The following PKNOX2 variants were observed in gnomAD, a reference collection of about 807,000 sequenced individuals.
The protein encoded by PKNOX2 is homeobox protein PKNOX2.
PKNOX2 carries 14 observed loss-of-function variants against 53.1 expected under a neutral mutation model. That is an observed-to-expected ratio of 0.26 (90% confidence interval 0.17 to 0.41). PKNOX2 has a LOEUF of 0.41. Ranked by LOEUF, PKNOX2 falls within the 10% of genes least tolerant of loss-of-function variation. The pLI, the probability that PKNOX2 is intolerant of heterozygous loss-of-function variation, is 1.00. For missense variants in PKNOX2, 496 were observed against 602.8 expected, an observed-to-expected ratio of 0.82 and a Z score of 1.85; for synonymous variants, 257 against 242.8, an observed-to-expected ratio of 1.06 and a Z score of -0.54.
intron 5 of PKNOX2, among the ~76,000 whole-genome samples, chr11:125,374,977 G>A (rs1472351107): frequency 6.6e-6 from 1 of 152,092 alleles, no homozygotes; most frequent in African/African-American, 2.4e-5. Context: ...AGAAAGCTGG[G>A]GCCATGAAGG....
At chr11:125,193,390 C>T (rs1451701872) in intron 1 of PKNOX2, among the ~76,000 whole-genome samples, 1 of 152,140 alleles carries the variant, frequency 6.6e-6, no homozygotes, top group Non-Finnish European at 1.5e-5. Context: ...TGTGAAGTTG[C>T]CCTGCATCTT....
chr11:125,360,564 CCTT>C (rs1366558276), intron 4 of PKNOX2, among the ~76,000 whole-genome samples: 2 of 152,116 alleles, frequency 1.3e-5, no homozygotes, highest in Admixed American at 6.5e-5. Flanking sequence ...CATAATGTAA[CCTT>C]CTGTGACACC....
intron 1 of PKNOX2, among the ~76,000 whole-genome samples, chr11:125,232,828 CT>C (rs536884769): frequency 0.012 from 1,644 of 135,352 alleles, 37 homozygotes; most frequent in African/African-American, 0.037. Context: ...TAATCCAAGT[CT>C]TTTTTTTTTT....
chr11:125,218,075 CCTTT>C (rs1441572136), intron 1 of PKNOX2, among the ~76,000 whole-genome samples: 1 of 152,024 alleles, frequency 6.6e-6, no homozygotes, highest in Non-Finnish European at 1.5e-5. Context: ...TTGGATAGGG[CCTTT>C]CTTCTAGCTG....
intron 6 of PKNOX2, among the ~76,000 whole-genome samples, chr11:125,386,607 AT>A (rs1953648954): frequency 6.6e-6 from 1 of 152,154 alleles, no homozygotes; most frequent in Non-Finnish European, 1.5e-5. Context: ...CCACAAATTG[AT>A]TAATGATAGT....
At position 125,299,124 on chromosome 11, in the gene PKNOX2, G is replaced by T. The variant is rs557116395; in HGVS notation, c.-129-32695G>T. On this transcript the variant is annotated intron_variant, in intron 2 of 12. Coordinates refer to ENST00000298282, the MANE Select transcript of PKNOX2 (RefSeq NM_001382323.2). ...CAGGCATGTCACCTGGCAAGAGCAG[G>T]AGCAAGAGAGATCAGGGAGGTGCCA... 1.4e-3 allele frequency among the ~76,000 whole-genome samples: 212 copies of T among 152,260 alleles called. 1 individual carries two copies. Among genetic ancestry groups the T allele is most frequent in the South Asian group, 5.4e-3 (26 of 4,812 alleles).
intron 1 of PKNOX2, among the ~76,000 whole-genome samples, chr11:125,180,206 T>C (rs1295700300): frequency 6.6e-6 from 1 of 152,244 alleles, no homozygotes; most frequent in Admixed American, 6.5e-5. Flanking sequence ...AATGAGGCTT[T>C]CCTCATTTCC....
intron 3 of PKNOX2, among the ~76,000 whole-genome samples, chr11:125,338,207 TC>T (rs1950519345): frequency 2.0e-5 from 3 of 151,924 alleles, no homozygotes; most frequent in Non-Finnish European, 2.9e-5. Flanking sequence ...CTGCCCATCT[TC>T]CCTACTCCCC....
At chr11:125,279,883 G>A (rs985606535) in intron 2 of PKNOX2, among the ~76,000 whole-genome samples, 11 of 152,060 alleles carry the variant, frequency 7.2e-5, no homozygotes, top group African/African-American at 2.2e-4. Flanking sequence ...CAAACAATGC[G>A]GTTGCCATAG....
At chr11:125,386,969 C>T (rs991682744) in intron 6 of PKNOX2, among the ~76,000 whole-genome samples, 3 of 152,146 alleles carry the variant, frequency 2.0e-5, no homozygotes, top group East Asian at 3.9e-4. Context: ...CGCTTGCTGT[C>T]GGGAGGGTCA....
chr11:125,264,019 T>A (rs1352620477), intron 2 of PKNOX2, among the ~76,000 whole-genome samples: 1 of 151,912 alleles, frequency 6.6e-6, no homozygotes, highest in Non-Finnish European at 1.5e-5. Context: ...GGCTAATCAG[T>A]CCTCCCCCAC....
Position 125,281,499 on chromosome 11 carries a change from G to A in PKNOX2, c.-130+46384G>A, listed in dbSNP as rs747306876. Among the ~76,000 whole-genome samples the A allele has an allele frequency of 1.8e-4, 28 of 152,168 alleles. 1 individual carries two copies. The highest frequency in any genetic ancestry group is 2.1e-4 in the South Asian group (1 of 4,830). ...TTTGAATTCTGGCTGCCACTTACCC[G>A]TTGATTGCCTCTCTTTCCTTATTTA... On this transcript the variant is annotated intron_variant, in intron 2 of 12. Coordinates refer to ENST00000298282, the MANE Select transcript of PKNOX2 (RefSeq NM_001382323.2).
At position 125,213,031 on chromosome 11, in the gene PKNOX2, C is replaced by T. The variant is rs950452843; in HGVS notation, c.-200-22014C>T. ...GGACAATTTTCCCTGAACTCCTAGC[C>T]TCACCACTGAAATTATGTGAAGTTG... On this transcript the variant is annotated intron_variant, in intron 1 of 12. Coordinates refer to ENST00000298282, the MANE Select transcript of PKNOX2 (RefSeq NM_001382323.2). Among the ~76,000 whole-genome samples the T allele has an allele frequency of 3.9e-5, 6 of 152,062 alleles. 1 individual carries two copies. The highest frequency in any genetic ancestry group is 1.5e-5 in the Non-Finnish European group (1 of 67,966).
In PKNOX2 at chr11:125,165,911, C is replaced by G. The variant is rs1954835303; in HGVS notation, c.-201+1135C>G. On this transcript the variant is annotated intron_variant, in intron 1 of 12. Transcript: ENST00000298282. This position sits in a 1 kb window ranked among gnomAD's most constrained non-coding sequence, Gnocchi z 4.5. ...GTTAGGAGACGGGCTTTCCTGGCTC[C>G]CGATCCCCAGGAAGAAACGAGCGAA... Among the ~76,000 whole-genome samples the G allele has an allele frequency of 1.3e-5, 2 of 152,164 alleles. No individual in the cohort carries two copies. The highest frequency in any genetic ancestry group is 6.5e-5 in the Admixed American group (1 of 15,270).
In PKNOX2 at chr11:125,429,996, C is replaced by T; in HGVS notation, c.1047C>T (p.Pro349=). The T allele has an allele frequency of 3.1e-6, 5 of 1,614,168 alleles. No individual in the cohort carries two copies. Among genetic ancestry groups the T allele is most frequent in the Non-Finnish European group, 4.2e-6 (5 of 1,180,022 alleles). ...FINARRRILQ[P]MLDASNPDPA... ...ATGCCCGGAGGCGCATCCTGCAGCC[C>T]ATGCTTGATGCCAGCAACCCAGATC... The change falls in exon 12 of 13, where the codon CCC becomes CCT. Residue 349 remains proline (P), a synonymous_variant. Coordinates refer to ENST00000298282, the MANE Select transcript of PKNOX2 (RefSeq NM_001382323.2).
chr11:125,221,111 C>T (rs1020616586), intron 1 of PKNOX2, among the ~76,000 whole-genome samples: 4 of 151,996 alleles, frequency 2.6e-5, no homozygotes, highest in East Asian at 1.9e-4. Context: ...GCCGAGATCG[C>T]GCCACTGCAC....
intron 2 of PKNOX2, among the ~76,000 whole-genome samples, chr11:125,249,858 T>C (rs935743542): frequency 5.9e-5 from 9 of 151,976 alleles, no homozygotes; most frequent in African/African-American, 1.9e-4. Context: ...TCACCTCAGG[T>C]TGGGAGTTCA....
intron 2 of PKNOX2, among the ~76,000 whole-genome samples, chr11:125,257,365 C>T (rs1944485423): frequency 6.6e-6 from 1 of 152,154 alleles, no homozygotes; most frequent in Admixed American, 6.6e-5. Context: ...ATCTTCATGG[C>T]CTCCAATGGT....
rs148792611 is a variant in PKNOX2 at position 125,368,184 on chromosome 11, C to G, written c.227+199C>G. On this transcript the variant is annotated intron_variant, in intron 5 of 12. Transcript: ENST00000298282. ...AGTGACTCTAGCTTTCTGGAAATGT[C>G]TAGGGAAGGATATGGAGGCCTAGAC... Among the ~76,000 whole-genome samples, 463 of 152,320 alleles carry G rather than the reference C, an allele frequency of 3.0e-3. 1 individual carries two copies. The highest frequency in any genetic ancestry group is 0.011 in the African/African-American group (439 of 41,572).
Sources: gnomAD v4.1 joint callset for allele counts (sites outside exome capture counted in the v4.1 genomes callset) on GRCh38, gnomAD v4.1.1 for gene constraint, Gnocchi (gnomAD v3.1) non-coding constraint, MANE v1.5 for transcripts, NCBI Gene and HGNC (gene_info 2026-07-23, HGNC 2026-07-21) for gene names.